Variants in AFF4 observed in about 807,000 individuals in gnomAD.
AFF4 encodes ALF transcription elongation factor 4.
In AFF4, 13 loss-of-function variants were observed where a neutral mutation model predicts 124.8. That is an observed-to-expected ratio of 0.10 (90% CI 0.07 to 0.17). The LOEUF (loss-of-function observed/expected upper bound fraction) is 0.17, where lower values mean the gene tolerates loss of function less well. AFF4 is among the 10% of genes least tolerant of loss of function. The probability of loss-of-function intolerance (pLI) is 1.00; values close to 1 mark genes in which losing one functional copy is unlikely to be tolerated. For synonymous variants in AFF4, 477 were observed against 496.1 expected, an observed-to-expected ratio of 0.96 and a Z score of 0.51; for missense variants, 1,092 against 1,403.8, an observed-to-expected ratio of 0.78 and a Z score of 3.55.
rs1347144619 is a variant in AFF4 at position 132,880,657 on chromosome 5, A to C, written c.*402T>G. ...AAGGTATATAAATAAAAATGTCTAC[A>C]TTAAATTTATGCTAAATATTCAACA... On this transcript the variant is annotated 3_prime_UTR_variant, in exon 21 of 21. Coordinates refer to ENST00000265343, the MANE Select transcript of AFF4 (RefSeq NM_014423.4). The C allele has an allele frequency of 9.6e-6, 3 of 312,494 alleles. No homozygotes were observed. In the East Asian group the frequency reaches 1.4e-4, roughly 15 times the overall value. 19.4% of individuals were successfully genotyped at this position (312,494 alleles called of 1,614,324 possible).
At chr5:132,926,122 A>G (rs1761164788) in intron 5 of AFF4, 1 of 297,142 alleles carries the variant, frequency 3.4e-6, no homozygotes, top group African/African-American at 2.2e-5. Flanking sequence ...TGAAAGATAC[A>G]GAACAATATA....
chr5:132,899,576 A>T lies in AFF4; in HGVS notation c.1188+11T>A. The T allele has an allele frequency of 1.2e-6, 2 of 1,608,186 alleles. No individual in the cohort carries two copies. The highest frequency in any genetic ancestry group is 8.5e-7 in the Non-Finnish European group (1 of 1,176,438). On this transcript the variant is annotated intron_variant, in intron 8 of 20. Transcript: ENST00000265343. ...TATGAGACTGGCAAAATAATACAATAGTAGACACACCTGTTCCCCATCACT... is the reference window on the plus strand; with the variant it reads ...TATGAGACTGGCAAAATAATACAATTGTAGACACACCTGTTCCCCATCACT...
intron 5 of AFF4, among the ~76,000 whole-genome samples, chr5:132,905,851 A>G (rs936899502): frequency 1.1e-4 from 17 of 152,230 alleles, no homozygotes; most frequent in African/African-American, 3.9e-4. Flanking sequence ...GACAACTCAC[A>G]GAATAGGAGA....
At chr5:132,957,039 A>AC (rs1761979198) in intron 1 of AFF4, among the ~76,000 whole-genome samples, 2 of 150,068 alleles carry the variant, frequency 1.3e-5, no homozygotes, top group African/African-American at 2.4e-5. Flanking sequence ...AAAAAAAAAA[A>AC]AAAAAAAAAA....
intron 5 of AFF4, among the ~76,000 whole-genome samples, chr5:132,908,880 C>T (rs1379704115): frequency 1.3e-5 from 2 of 150,306 alleles, no homozygotes; most frequent in Admixed American, 1.3e-4. Context: ...AAGCGATTCT[C>T]CTGCCTCAGC....
At position 132,932,197 on chromosome 5, in the gene AFF4, C is replaced by A; in HGVS notation, c.944G>T (p.Cys315Phe). Reference sequence around the variant, plus strand: ...ACTTACTTTTAGGATTTCATCCACACAGCTCACATCACCAGAAGCTGATGC... The same window carrying A: ...ACTTACTTTTAGGATTTCATCCACAAAGCTCACATCACCAGAAGCTGATGC... The part of the protein sequence containing the change: ...LDASASGDVS[C>F]VDEILKEMTH... Residue 315 changes from cysteine (C) to phenylalanine (F), a missense_variant, in exon 4 of 21, where the codon TGT becomes TTT. This residue lies in a region of AFF4 where 148 missense variants were observed against 196.3 expected (regional missense o/e 0.75). Transcript: ENST00000265343. 2 of 1,605,128 alleles carry A rather than the reference C, an allele frequency of 1.2e-6. No homozygotes were observed. Among genetic ancestry groups the A allele is most frequent in the Non-Finnish European group, 1.7e-6 (2 of 1,176,556 alleles).
chr5:132,876,440 G>A lies in AFF4; in HGVS notation c.*4619C>T, dbSNP rs542046925. 6.7e-5 allele frequency: 15 copies of A among 224,436 alleles called. No homozygotes were observed. The highest frequency in any genetic ancestry group is 1.2e-4 in the Non-Finnish European group (14 of 112,480). The allele number at this position is 224,436 out of a possible 1,614,324, so 13.9% of individuals were successfully genotyped here. A position where few individuals can be genotyped will look rare whatever the true frequency, so the allele number is the denominator to read the frequency against. On this transcript the variant is annotated 3_prime_UTR_variant, in exon 21 of 21. Transcript: ENST00000265343. The stretch of plus-strand genomic sequence containing the variant: ...AAGAAGTCCCACATGGAAGCAGTAA[G>A]AGGTCAAAACTGAGTATCACTAGAG...
At chr5:132,945,798 C>T (rs1260870323) in intron 1 of AFF4, among the ~76,000 whole-genome samples, 1 of 151,502 alleles carries the variant, frequency 6.6e-6, no homozygotes, top group Non-Finnish European at 1.5e-5. Context: ...CGGTGGCTCG[C>T]GCCTGTAATC....
chr5:132,932,568 T>C (rs569738094), intron 3 of AFF4, among the ~76,000 whole-genome samples: 1 of 152,336 alleles, frequency 6.6e-6, no homozygotes, highest in South Asian at 2.1e-4. Context: ...GATACTGAGA[T>C]ACATCATTTC....
At position 132,934,621 on chromosome 5, in the gene AFF4, A is replaced by ACCACTACTGTTAGTG. The variant is rs766092270; in HGVS notation, c.429_443dup (p.Thr144_Gly148dup). On this transcript the variant is annotated inframe_insertion, in exon 3 of 21. Transcript: ENST00000265343. ...TATATGACTCACGGTCGTGCCTCTG[A>ACCACTACTGTTAGTG]CCACTACTGTTAGTGCCACTACTGC... The ACCACTACTGTTAGTG allele has an allele frequency of 1.2e-5, 19 of 1,613,908 alleles. No individual in the cohort carries two copies. The South Asian group carries it at 2.0e-4, about 17-fold the overall frequency.
Position 132,955,087 on chromosome 5 carries a change from C to T in AFF4, c.-5+8172G>A, listed in dbSNP as rs901019212. On this transcript the variant is annotated intron_variant, in intron 1 of 20. Coordinates refer to ENST00000265343, the MANE Select transcript of AFF4 (RefSeq NM_014423.4). ...AGGGATGGAGTGGGAAGATAATCTT[C>T]CCCTGGAGCTCAGCTGTCCCTAGCT... is the stretch of plus-strand genomic sequence containing the variant. Among the ~76,000 whole-genome samples the T allele has an allele frequency of 9.9e-5, 15 of 152,070 alleles. 1 individual carries two copies. Among genetic ancestry groups the T allele is most frequent in the African/African-American group, 2.4e-5 (1 of 41,402 alleles).
At chr5:132,888,284 T>C in intron 14 of AFF4, 124 bp from the exon 15 acceptor site, 1 of 714,014 alleles carries the variant, frequency 1.4e-6, no homozygotes, top group Admixed American at 3.0e-5. Context: ...TTACTAAGAA[T>C]TTGTTTCAGT....
chr5:132,955,994 T>C (rs1741985034), intron 1 of AFF4, among the ~76,000 whole-genome samples: 1 of 149,164 alleles, frequency 6.7e-6, no homozygotes, highest in South Asian at 2.1e-4. Flanking sequence ...TATAAATATA[T>C]AATACACGTA....
At chr5:132,927,240 C>A in intron 4 of AFF4, 33 bp from the exon 5 acceptor site, 12 of 1,588,966 alleles carry the variant, frequency 7.6e-6, no homozygotes, top group Non-Finnish European at 1.0e-5. Context: ...TGTTTTCAAC[C>A]AGGTCAAGGA....
intron 4 of AFF4, among the ~76,000 whole-genome samples, 184 bp downstream of exon 4, chr5:132,931,994 G>C (rs1761310779): frequency 1.3e-5 from 2 of 152,106 alleles, no homozygotes; most frequent in African/African-American, 4.8e-5. Context: ...AACAAAACTA[G>C]CTCTCTGAAG....
At chr5:132,958,581 C>G (rs1016149398) in intron 1 of AFF4, among the ~76,000 whole-genome samples, 3 of 150,376 alleles carry the variant, frequency 2.0e-5, no homozygotes, top group Non-Finnish European at 4.4e-5. Context: ...GGCAATGAAA[C>G]GTAAATCAGG....
At chr5:132,958,721 T>C (rs1440240461) in intron 1 of AFF4, among the ~76,000 whole-genome samples, 2 of 152,064 alleles carry the variant, frequency 1.3e-5, no homozygotes, top group Admixed American at 6.6e-5. Context: ...CTGGTACTCA[T>C]CTCTCCATAA....
intron 1 of AFF4, among the ~76,000 whole-genome samples, chr5:132,954,648 C>T (rs62381911): frequency 0.098 from 14,586 of 149,058 alleles, 965 homozygotes; most frequent in Non-Finnish European, 0.14. Context: ...CCCGGGTTCA[C>T]GCCATTCTCC....
At chr5:132,957,586 G>A (rs1310609317) in intron 1 of AFF4, among the ~76,000 whole-genome samples, 1 of 151,660 alleles carries the variant, frequency 6.6e-6, no homozygotes, top group African/African-American at 2.4e-5. Flanking sequence ...TACAAAAATT[G>A]GCTGGGCATG....
Sources: gnomAD v4.1 joint callset for allele counts (sites outside exome capture counted in the v4.1 genomes callset) on GRCh38, gnomAD v4.1.1 for gene constraint, gnomAD v4.1.1 regional missense constraint, MANE v1.5 for transcripts, NCBI Gene and HGNC (gene_info 2026-07-23, HGNC 2026-07-21) for gene names.